The following CD247 variants were observed in gnomAD, a reference collection of about 807,000 sequenced individuals.
The protein encoded by CD247 is CD247 molecule.
CD247 carries 13 observed loss-of-function variants against 30.0 expected under a neutral mutation model. The ratio of observed to expected loss-of-function variants is 0.43; its 90% CI spans 0.28 to 0.69. CD247 has a LOEUF of 0.69. CD247 is among the 30% of genes least tolerant of loss of function. CD247 has a pLI of 0.16. For synonymous variants in CD247, 72 were observed against 80.0 expected, an observed-to-expected ratio of 0.90 and a Z score of 0.53; for missense variants, 193 against 212.6, an observed-to-expected ratio of 0.91 and a Z score of 0.57.
chr1:167,484,572 T>C (rs1010995167), intron 1 of CD247, among the ~76,000 whole-genome samples: 1 of 151,976 alleles, frequency 6.6e-6, no homozygotes, highest in African/African-American at 2.4e-5. Flanking sequence ...AGGTCAGGAG[T>C]TCGAGACCAG....
chr1:167,473,592 T>C, intron 1 of CD247, among the ~76,000 whole-genome samples: 1 of 151,874 alleles, frequency 6.6e-6, no homozygotes, highest in East Asian at 1.9e-4. Flanking sequence ...AGCTGGGGAG[T>C]TCGTGCAGAA....
intron 1 of CD247, among the ~76,000 whole-genome samples, chr1:167,441,980 T>C (rs1431399859): frequency 6.6e-6 from 1 of 152,024 alleles, no homozygotes; most frequent in Non-Finnish European, 1.5e-5. Flanking sequence ...GCGTGGTGGC[T>C]GGCAGCTTTG....
At chr1:167,440,612 T>C (rs1482920819) in intron 2 of CD247, 52 bp downstream of exon 2, 7 of 1,204,560 alleles carry the variant, frequency 5.8e-6, no homozygotes, top group Admixed American at 5.2e-5. Flanking sequence ...CCTCTGAACA[T>C]CCATCAAGTG....
intron 5 of CD247, 89 bp from the exon 6 acceptor site, chr1:167,434,165 A>T: frequency 8.4e-7 from 1 of 1,187,036 alleles, no homozygotes; most frequent in Non-Finnish European, 1.3e-6. Flanking sequence ...TTGATCCCCA[A>T]GTTGGCAGCA....
At chr1:167,436,641 A>T (rs61636073) in intron 4 of CD247, among the ~76,000 whole-genome samples, 1 of 152,222 alleles carries the variant, frequency 6.6e-6, no homozygotes, top group Non-Finnish European at 1.5e-5. Context: ...ATAAGGCCTG[A>T]AACTGTAAAA....
intron 1 of CD247, among the ~76,000 whole-genome samples, chr1:167,493,141 C>G (rs575753492): frequency 1.2e-4 from 16 of 136,188 alleles, no homozygotes; most frequent in African/African-American, 3.9e-4. Flanking sequence ...CTCCTGGGTT[C>G]AAGCTATTCT....
intron 1 of CD247, among the ~76,000 whole-genome samples, chr1:167,480,092 C>T (rs1653916718): frequency 6.6e-6 from 1 of 152,118 alleles, no homozygotes; most frequent in Admixed American, 6.6e-5. Flanking sequence ...GGCCAAGAAC[C>T]GATTAGGCCG....
intron 1 of CD247, among the ~76,000 whole-genome samples, chr1:167,483,041 T>C (rs1202735088): frequency 1.3e-5 from 2 of 151,602 alleles, no homozygotes; most frequent in African/African-American, 4.9e-5. Flanking sequence ...TGAGTTTCGC[T>C]GTTGTTGCTC....
rs140941106 is a variant in CD247 at position 167,462,444 on chromosome 1, C to G, written c.59-21677G>C. ...AAGCTGTGCCTCCTATGGCTCTCCTCGACACAGAAGTCACAACCCAGGTTG... is the reference window on the plus strand; with the variant it reads ...AAGCTGTGCCTCCTATGGCTCTCCTGGACACAGAAGTCACAACCCAGGTTG... On this transcript the variant is annotated intron_variant, in intron 1 of 7. Transcript: ENST00000362089. Among the ~76,000 whole-genome samples the G allele has an allele frequency of 8.7e-3, 1,329 of 152,320 alleles. 8 individuals are homozygous for G. The highest frequency in any genetic ancestry group is 0.017 in the South Asian group (80 of 4,826).
chr1:167,508,713 A>T (rs1655253045), intron 1 of CD247, among the ~76,000 whole-genome samples: 1 of 152,222 alleles, frequency 6.6e-6, no homozygotes. Context: ...CTGACTCAAA[A>T]GTCCTGGGTG....
At chr1:167,480,093 G>T (rs781492976) in intron 1 of CD247, among the ~76,000 whole-genome samples, 1 of 152,144 alleles carries the variant, frequency 6.6e-6, no homozygotes, top group Non-Finnish European at 1.5e-5. Flanking sequence ...GCCAAGAACC[G>T]ATTAGGCCGA....
At chr1:167,452,362 C>T (rs2102012211) in intron 1 of CD247, among the ~76,000 whole-genome samples, 1 of 149,352 alleles carries the variant, frequency 6.7e-6, no homozygotes, top group Middle Eastern at 3.5e-3. Flanking sequence ...TGCAGTGAGC[C>T]GAGATTGTGC....
intron 1 of CD247, among the ~76,000 whole-genome samples, chr1:167,478,828 T>C (rs758830259): frequency 5.3e-5 from 8 of 152,226 alleles, no homozygotes; most frequent in Non-Finnish European, 1.0e-4. Flanking sequence ...AAGATTCAAA[T>C]TGTATATGGT....
At chr1:167,460,784 C>CTGTGTCCA (rs1652971743) in intron 1 of CD247, among the ~76,000 whole-genome samples, 2 of 152,158 alleles carry the variant, frequency 1.3e-5, no homozygotes. Flanking sequence ...GTTCCCCGCC[C>CTGTGTCCA]TGTGTCCATG....
chr1:167,501,539 G>A (rs964979957), intron 1 of CD247, among the ~76,000 whole-genome samples: 1 of 152,168 alleles, frequency 6.6e-6, no homozygotes, highest in African/African-American at 2.4e-5. Context: ...TTGCAATTCA[G>A]GGCTGAACCC....
At chr1:167,438,201 G>T (rs1651638132) in intron 4 of CD247, among the ~76,000 whole-genome samples, 1 of 152,162 alleles carries the variant, frequency 6.6e-6, no homozygotes, top group Non-Finnish European at 1.5e-5. Context: ...ACCATATGTG[G>T]GTTATCCAGG....
At chr1:167,495,031 G>A (rs1654625293) in intron 1 of CD247, among the ~76,000 whole-genome samples, 1 of 152,232 alleles carries the variant, frequency 6.6e-6, no homozygotes, top group Non-Finnish European at 1.5e-5. Flanking sequence ...AAGGAGGGGA[G>A]GGCTGGTGGC....
chr1:167,516,187 C>A (rs929836789), intron 1 of CD247, among the ~76,000 whole-genome samples: 13 of 152,254 alleles, frequency 8.5e-5, no homozygotes, highest in Non-Finnish European at 1.6e-4. Flanking sequence ...AAAAGACAAA[C>A]ACCACACTGA....
chr1:167,496,930 G>A (rs915925036), intron 1 of CD247, among the ~76,000 whole-genome samples: 7 of 152,118 alleles, frequency 4.6e-5, no homozygotes, highest in South Asian at 2.1e-4. Context: ...AGCAGGCCCC[G>A]GAGAGCGGGG....
Sources: gnomAD v4.1 joint callset for allele counts (sites outside exome capture counted in the v4.1 genomes callset) on GRCh38, gnomAD v4.1.1 for gene constraint, MANE v1.5 for transcripts, NCBI Gene and HGNC (gene_info 2026-07-23, HGNC 2026-07-21) for gene names.